The following DGKQ variants were observed in gnomAD, a reference collection of about 807,000 sequenced individuals.
DGKQ encodes diacylglycerol kinase theta, also known as DAG kinase theta.
Under a neutral mutation model 104.2 loss-of-function variants are expected in DGKQ, and 97 were observed. That is an observed-to-expected ratio of 0.93 (90% CI 0.79 to 1.10). The LOEUF (loss-of-function observed/expected upper bound fraction) is 1.10, where lower values mean the gene tolerates loss of function less well. DGKQ is among the 50% of genes least tolerant of loss of function. The probability of loss-of-function intolerance (pLI) is 0.00; values close to 1 mark genes in which losing one functional copy is unlikely to be tolerated. For synonymous variants in DGKQ, 736 were observed against 595.2 expected (o/e 1.24, Z -3.44); for missense variants, 1,465 against 1,352.1 (o/e 1.08, Z -1.31).
Position 967,329 on chromosome 4 carries a change from C to T in DGKQ, c.1020G>A (p.Glu340=). ...GGCACAGCTCCAGGTGGCCAGGGTCCTCGGGGATGTGGTGGGCCCGCAGTG... is the reference window on the plus strand; with the variant it reads ...GGCACAGCTCCAGGTGGCCAGGGTCTTCGGGGATGTGGTGGGCCCGCAGTG... ...EAALRAHHIP[E]DPGHLELCRL... is the part of the protein sequence containing the mutation. The change falls in exon 9 of 23, where the codon GAG becomes GAA. Residue 340 remains glutamate (E), a synonymous_variant. Coordinates refer to ENST00000273814, the MANE Select transcript of DGKQ (RefSeq NM_001347.4). 6.5e-7 allele frequency: 1 copy of T among 1,537,564 alleles called. No homozygotes were observed. Among genetic ancestry groups the T allele is most frequent in the Non-Finnish European group, 8.7e-7 (1 of 1,147,060 alleles).
chr4:965,709 C>T (rs1041951943), intron 13 of DGKQ, among the ~76,000 whole-genome samples, 180 bp from the exon 14 acceptor site: 3 of 152,200 alleles, frequency 2.0e-5, no homozygotes, highest in Non-Finnish European at 4.4e-5. Context: ...CAGGACCCCC[C>T]AGAGGGAGAG....
chr4:972,968 G>C (rs1474110295), intron 1 of DGKQ, among the ~76,000 whole-genome samples: 2 of 152,208 alleles, frequency 1.3e-5, no homozygotes, highest in African/African-American at 4.8e-5. Flanking sequence ...CACAGCCCCT[G>C]GGTCGCAGCC....
chr4:966,388 G>A (rs940333172), intron 12 of DGKQ, 78 bp downstream of exon 12: 13 of 1,503,352 alleles, frequency 8.6e-6, no homozygotes, highest in South Asian at 6.9e-5. Flanking sequence ...CGGCGTCTGG[G>A]GCACACCCAC....
At position 968,330 on chromosome 4, in the gene DGKQ, G is replaced by C; in HGVS notation, c.615C>G (p.Gly205=). ...ARCEVCRKTC[G]SSDVLAGVRC... ...GCACGCCGGCCAGCACGTCAGAGGA[G>C]CCGCACGTCTTCCTGCAGACCTCGC... The change falls in exon 5 of 23, where the codon GGC becomes GGG. Residue 205 remains glycine, a synonymous_variant. Coordinates refer to ENST00000273814, the MANE Select transcript of DGKQ (RefSeq NM_001347.4). 1 of 1,325,044 alleles carries C rather than the reference G, an allele frequency of 7.5e-7. No homozygotes were observed. The highest frequency in any genetic ancestry group is 9.8e-7 in the Non-Finnish European group (1 of 1,023,344). The allele number at this position is 1,325,044 out of a possible 1,614,324, so 82.1% of individuals were successfully genotyped here. A position where few individuals can be genotyped will look rare whatever the true frequency, so the allele number is the denominator to read the frequency against.
At position 971,181 on chromosome 4, in the gene DGKQ, C is replaced by T; in HGVS notation, c.272-109G>A. The T allele has an allele frequency of 1.3e-6, 1 of 783,114 alleles. No homozygotes were observed. The highest frequency in any genetic ancestry group is 1.6e-5 in the South Asian group (1 of 61,734). The allele number at this position is 783,114 out of a possible 1,614,324, so 48.5% of individuals were successfully genotyped here. A position where few individuals can be genotyped will look rare whatever the true frequency, so the allele number is the denominator to read the frequency against. On this transcript the variant is annotated intron_variant, in intron 1 of 22. Transcript: ENST00000273814. The surrounding 1 kb of genome is among the most constrained non-coding windows in gnomAD (Gnocchi z 4.0). ...GACTGCCATACCCACCATGCTGCAC[C>T]AGGGGCCCTGTGGTCCTCGAGTTCC... is the stretch of plus-strand genomic sequence containing the variant.
In DGKQ at chr4:961,466, C is replaced by T; in HGVS notation, c.2574+1G>A. 1 of 1,593,420 alleles carries T rather than the reference C, an allele frequency of 6.3e-7. No individual in the cohort carries two copies. Among genetic ancestry groups the T allele is most frequent in the Non-Finnish European group, 8.5e-7 (1 of 1,172,580 alleles). ...GCCCGCCCACTCGGCCGGCGGCTCACCATGTGCACGACGCCCGTCACGCCC... is the reference window on the plus strand; with the variant it reads ...GCCCGCCCACTCGGCCGGCGGCTCATCATGTGCACGACGCCCGTCACGCCC... On this transcript the variant is annotated splice_donor_variant, in intron 21 of 22. Transcript: ENST00000273814. LOFTEE classifies it high-confidence loss of function.
intron 15 of DGKQ, 93 bp from the exon 16 acceptor site, chr4:963,383 G>T: frequency 7.9e-7 from 1 of 1,260,010 alleles, no homozygotes; most frequent in Non-Finnish European, 1.1e-6. Flanking sequence ...CCAACCCTGA[G>T]CCCACCTGGC....
rs551244551 is a variant in DGKQ at position 961,592 on chromosome 4, G to C, written c.2463-14C>G. The C allele has an allele frequency of 1.2e-6, 2 of 1,609,776 alleles. No homozygotes were observed. The highest frequency in any genetic ancestry group is 1.1e-5 in the South Asian group (1 of 90,840). Reference sequence around the variant, plus strand: ...CCCGAGCCCCAGCTGCCGCATAAGAGAGCGGGCACAGAGGTGTAGGTGCAG... The same window carrying C: ...CCCGAGCCCCAGCTGCCGCATAAGACAGCGGGCACAGAGGTGTAGGTGCAG... On this transcript the variant is annotated splice_polypyrimidine_tract_variant and intron_variant, in intron 20 of 22. Coordinates refer to ENST00000273814, the MANE Select transcript of DGKQ (RefSeq NM_001347.4).
Position 963,304 on chromosome 4 carries a change from G to T in DGKQ, c.1735-14C>A, listed in dbSNP as rs760425501. 6.3e-7 allele frequency: 1 copy of T among 1,594,472 alleles called. No individual in the cohort carries two copies. The highest frequency in any genetic ancestry group is 1.3e-5 in the African/African-American group (1 of 74,726). ...CAGCTTCGCGTGCTGACAGACAGGGGGCTGGGTTAGGATGGGGACCCAAGG... is the reference window on the plus strand; with the variant it reads ...CAGCTTCGCGTGCTGACAGACAGGGTGCTGGGTTAGGATGGGGACCCAAGG... On this transcript the variant is annotated splice_polypyrimidine_tract_variant and intron_variant, in intron 15 of 22. Coordinates refer to ENST00000273814, the MANE Select transcript of DGKQ (RefSeq NM_001347.4).
chr4:970,223 C>A (rs1712822011), intron 2 of DGKQ, among the ~76,000 whole-genome samples: 1 of 152,264 alleles, frequency 6.6e-6, no homozygotes, highest in Non-Finnish European at 1.5e-5. Context: ...CCTGGCTTCC[C>A]GTCCTGCTGC....
Position 967,012 on chromosome 4 carries a change from G to A in DGKQ, c.1263C>T (p.Ser421=). ...AYVSVRVTPK[S]TARSVVLEVL... Reference sequence around the variant, plus strand: ...CCTCCAGCACCACAGAGCGGGCCGTGCTCTTCGGGGTCACTCGCACGGACA... The same window carrying A: ...CCTCCAGCACCACAGAGCGGGCCGTACTCTTCGGGGTCACTCGCACGGACA... The change falls in exon 10 of 23, where the codon AGC becomes AGT. Residue 421 remains serine (S), a synonymous_variant. Coordinates refer to ENST00000273814, the MANE Select transcript of DGKQ (RefSeq NM_001347.4). The A allele has an allele frequency of 6.4e-7, 1 of 1,564,572 alleles. No individual in the cohort carries two copies. Among genetic ancestry groups the A allele is most frequent in the South Asian group, 1.2e-5 (1 of 85,304 alleles).
chr4:967,042 G>A lies in DGKQ; in HGVS notation c.1233C>T (p.Ala411=). 3 of 1,559,366 alleles carry A rather than the reference G, an allele frequency of 1.9e-6. No homozygotes were observed. Among genetic ancestry groups the A allele is most frequent in the Non-Finnish European group, 2.6e-6 (3 of 1,152,840 alleles). Residue 411 remains alanine (A), a synonymous_variant, in exon 10 of 23, where the codon GCC becomes GCT. Coordinates refer to ENST00000273814, the MANE Select transcript of DGKQ (RefSeq NM_001347.4). ...TCGGGGTCACTCGCACGGACACGTAGGCCACGCCCACCCTGTGGGGACACA... is the reference window on the plus strand; with the variant it reads ...TCGGGGTCACTCGCACGGACACGTAAGCCACGCCCACCCTGTGGGGACACA... The part of the protein sequence containing the change: ...IYPGWLKVGV[A]YVSVRVTPKS...
chr4:962,675 A>C (rs1577472990), intron 17 of DGKQ, 62 bp from the exon 18 acceptor site: 2 of 1,589,494 alleles, frequency 1.3e-6, no homozygotes, highest in Non-Finnish European at 1.7e-6. Flanking sequence ...CTGGGTGCAG[A>C]CCCCACCACG....
intron 1 of DGKQ, 69 bp downstream of exon 1, chr4:973,143 C>A: frequency 7.2e-7 from 1 of 1,393,556 alleles, no homozygotes. Context: ...GTGCCACCTC[C>A]GCTCAGGCTC....
In DGKQ at chr4:965,544, T is replaced by A; in HGVS notation, c.1580-15A>T. 6.2e-7 allele frequency: 1 copy of A among 1,611,334 alleles called. No homozygotes were observed. Among genetic ancestry groups the A allele is most frequent in the African/African-American group, 1.3e-5 (1 of 75,030 alleles). On this transcript the variant is annotated splice_polypyrimidine_tract_variant and intron_variant, in intron 13 of 22. Coordinates refer to ENST00000273814, the MANE Select transcript of DGKQ (RefSeq NM_001347.4). ...CACCACGGTGGCTGCAAAGGCAGGC[T>A]GTGGTCAGGGCGGTGGGAGGCGAAG...
chr4:962,378 T>C (rs1319116832), intron 18 of DGKQ, 57 bp downstream of exon 18: 13 of 1,479,074 alleles, frequency 8.8e-6, no homozygotes, highest in Non-Finnish European at 1.2e-5. Flanking sequence ...TTGTGACGCG[T>C]GTAGCGGGGT....
In DGKQ at chr4:961,783, G is replaced by A. The variant is rs368416497; in HGVS notation, c.2367C>T (p.His789=). The A allele has an allele frequency of 2.5e-6, 4 of 1,611,286 alleles. No individual in the cohort carries two copies. Among genetic ancestry groups the A allele is most frequent in the Non-Finnish European group, 3.4e-6 (4 of 1,179,232 alleles). The change falls in exon 20 of 23, where the codon CAC becomes CAT. Residue 789 remains histidine (H), a synonymous_variant. Coordinates refer to ENST00000273814, the MANE Select transcript of DGKQ (RefSeq NM_001347.4). ...YVRVGLQKIS[H]SRSLHKQIRL... ...GGATCTGCTTGTGCAGGCTCCGAGA[G>A]TGACTGATCTTCTGCAGCCCCACCC...
chr4:966,000 C>A lies in DGKQ; in HGVS notation c.1507G>T (p.Val503Phe), dbSNP rs776258085. The A allele has an allele frequency of 1.2e-6, 2 of 1,605,952 alleles. No individual in the cohort carries two copies. The highest frequency in any genetic ancestry group is 1.1e-5 in the South Asian group (1 of 89,580). Reference sequence around the variant, plus strand: ...GACAGGCCGGGAGGCAGGCCGCCAACAAACAGGGAGACGTGCGGGGCTACA... The same window carrying A: ...GACAGGCCGGGAGGCAGGCCGCCAAAAAACAGGGAGACGTGCGGGGCTACA... ...RDVAPHVSLFVGGLPPGLSPE... is the reference protein window; with the variant it reads ...RDVAPHVSLFFGGLPPGLSPE... Residue 503 changes from valine to phenylalanine, a missense_variant, in exon 13 of 23, where the codon GTT (valine) becomes TTT (phenylalanine). Val to Phe is a conservative substitution (Grantham distance 50, BLOSUM62 -1). Coordinates refer to ENST00000273814, the MANE Select transcript of DGKQ (RefSeq NM_001347.4).
chr4:973,321 G>T lies in DGKQ; in HGVS notation c.162C>A (p.Gly54=). The T allele has an allele frequency of 6.9e-7, 1 of 1,453,600 alleles. No homozygotes were observed. The highest frequency in any genetic ancestry group is 1.3e-5 in the South Asian group (1 of 74,124). 90.0% of individuals were successfully genotyped at this position (1,453,600 alleles called of 1,614,324 possible). A position where few individuals can be genotyped will look rare whatever the true frequency, so the allele number is the denominator to read the frequency against. Residue 54 remains glycine (G), a synonymous_variant, in exon 1 of 23, where the codon GGC becomes GGA. Transcript: ENST00000273814. ...GPERAGVRAP[G]PAAAPGHSFR... ...AGCTGTGTCCCGGCGCGGCAGCGGG[G>T]CCCGGGGCTCTGACGCCCGCCCGCT... is the stretch of plus-strand genomic sequence containing the variant.
Sources: allele counts gnomAD v4.1 joint callset (sites outside exome capture counted in the v4.1 genomes callset), GRCh38; gene constraint gnomAD v4.1.1; non-coding constraint Gnocchi (gnomAD v3.1); transcripts MANE v1.5; gene names NCBI Gene and HGNC (gene_info 2026-07-23, HGNC 2026-07-21).